The following C1orf116 variants were observed in gnomAD, a reference collection of about 807,000 sequenced individuals.
C1orf116 encodes specifically androgen-regulated gene protein.
In C1orf116, 12 loss-of-function variants were observed where a neutral mutation model predicts 14.1. That is an observed-to-expected ratio of 0.85 (90% CI 0.54 to 1.38). C1orf116 has a LOEUF of 1.38. C1orf116 is among the 40% of genes most tolerant of loss of function. The pLI, the probability that C1orf116 is intolerant of heterozygous loss-of-function variation, is 0.00. For missense variants in C1orf116, 797 were observed against 747.0 expected (o/e 1.07, Z -0.78); for synonymous variants, 296 against 299.0 (o/e 0.99, Z 0.10).
At position 207,023,466 on chromosome 1, in the gene C1orf116, T is replaced by C. The variant is rs760012151; in HGVS notation, c.298A>G (p.Thr100Ala). 1.2e-6 allele frequency: 2 copies of C among 1,611,604 alleles called. No homozygotes were observed. The highest frequency in any genetic ancestry group is 1.7e-6 in the Non-Finnish European group (2 of 1,178,960). ...QPTPRGGPEE[T>A]ITQQGRTPRT... is the part of the protein sequence containing the mutation. Reference sequence around the variant, plus strand: ...GGCGTTCGTCCTTGCTGAGTGATGGTCTCCTCTGGACCTCCTGTGAGGGTC... The same window carrying C: ...GGCGTTCGTCCTTGCTGAGTGATGGCCTCCTCTGGACCTCCTGTGAGGGTC... Residue 100 changes from threonine to alanine, a missense_variant, in exon 4 of 4, where the codon ACC becomes GCC. Coordinates refer to ENST00000359470, the MANE Select transcript of C1orf116 (RefSeq NM_023938.6).
rs1395458105 is a variant in C1orf116, at chr1:207,019,392, C to T, written c.*2566G>A. On this transcript the variant is annotated 3_prime_UTR_variant, in exon 4 of 4. Transcript: ENST00000359470. ...TAAGGCCAAGTGGAAGTAGAGCTGT[C>T]GCTTTGATTTTGAAAATCAAATGAA... 2.6e-5 allele frequency: 4 copies of T among 152,330 alleles called. No homozygotes were observed. Among genetic ancestry groups the T allele is most frequent in the African/African-American group, 4.8e-5 (2 of 41,570 alleles). The allele number at this position is 152,330 out of a possible 1,614,324, so 9.4% of individuals were successfully genotyped here. A position where few individuals can be genotyped will look rare whatever the true frequency, so the allele number is the denominator to read the frequency against.
At chr1:207,023,753 G>A (rs1335651113) in intron 3 of C1orf116, among the ~76,000 whole-genome samples, 1 of 152,190 alleles carries the variant, frequency 6.6e-6, no homozygotes, top group Non-Finnish European at 1.5e-5. Flanking sequence ...AAAGCAAGTG[G>A]ATCATTTGAG....
In C1orf116 at chr1:207,032,595, G is replaced by A; in HGVS notation, c.-98C>T. 1.0e-6 allele frequency: 1 copy of A among 985,454 alleles called. No individual in the cohort carries two copies. The highest frequency in any genetic ancestry group is 1.2e-6 in the Non-Finnish European group (1 of 829,952). The allele number at this position is 985,454 out of a possible 1,614,324, so 61.0% of individuals were successfully genotyped here. On this transcript the variant is annotated 5_prime_UTR_variant, in exon 1 of 4. Coordinates refer to ENST00000359470, the MANE Select transcript of C1orf116 (RefSeq NM_023938.6). ...TTAACTCACCTCCACTGGGTTGGGG[G>A]CTGAAGAGAGAAAAGAAATACCCTT... is the stretch of plus-strand genomic sequence containing the variant.
intron 2 of C1orf116, among the ~76,000 whole-genome samples, chr1:207,026,607 T>C (rs1682081398): frequency 6.6e-6 from 1 of 152,256 alleles, no homozygotes; most frequent in Admixed American, 6.5e-5. Context: ...ATCCACTGGT[T>C]GTCTTAAACA....
chr1:207,028,465 C>G (rs907655184), intron 1 of C1orf116, among the ~76,000 whole-genome samples: 2 of 152,222 alleles, frequency 1.3e-5, no homozygotes, highest in African/African-American at 4.8e-5. Context: ...CTTTAACTCC[C>G]TAGCCTGGAG....
intron 1 of C1orf116, among the ~76,000 whole-genome samples, chr1:207,030,802 C>T (rs1432732909): frequency 6.6e-6 from 1 of 152,106 alleles, no homozygotes; most frequent in African/African-American, 2.4e-5. Context: ...GGGAACTTAA[C>T]GGGAGGAGGG....
At chr1:207,031,750 G>A (rs921426487) in intron 1 of C1orf116, among the ~76,000 whole-genome samples, 3 of 152,178 alleles carry the variant, frequency 2.0e-5, no homozygotes, top group Non-Finnish European at 4.4e-5. Context: ...CTGCTTCTCT[G>A]TCTGTGGACT....
At chr1:207,030,439 C>T (rs1378616050) in intron 1 of C1orf116, among the ~76,000 whole-genome samples, 2 of 152,192 alleles carry the variant, frequency 1.3e-5, no homozygotes, top group African/African-American at 4.8e-5. Context: ...TGCAAATCAT[C>T]TGCTTCAGCT....
In C1orf116 at chr1:207,019,997, T is replaced by C. The variant is rs1681788193; in HGVS notation, c.*1961A>G. ...TTTCCCTATTAATCAAGAAAATTAA[T>C]GAATAAGGAATAAGGTGATCATTCT... On this transcript the variant is annotated 3_prime_UTR_variant, in exon 4 of 4. Coordinates refer to ENST00000359470, the MANE Select transcript of C1orf116 (RefSeq NM_023938.6). The C allele has an allele frequency of 6.6e-6, 1 of 152,228 alleles. No individual in the cohort carries two copies. Among genetic ancestry groups the C allele is most frequent in the Non-Finnish European group, 1.5e-5 (1 of 68,030 alleles). The allele number at this position is 152,228 out of a possible 1,614,324, so 9.4% of individuals were successfully genotyped here.
In C1orf116 at chr1:207,027,605, A is replaced by T. The variant is rs1176571399; in HGVS notation, c.-7T>A. 6.2e-7 allele frequency: 1 copy of T among 1,611,530 alleles called. No homozygotes were observed. Among genetic ancestry groups the T allele is most frequent in the East Asian group, 2.2e-5 (1 of 44,876 alleles). On this transcript the variant is annotated 5_prime_UTR_variant, in exon 2 of 4. Coordinates refer to ENST00000359470, the MANE Select transcript of C1orf116 (RefSeq NM_023938.6). Reference sequence around the variant, plus strand: ...ACAGCTCCCTCTCGGGCATCACCCGAAACAAGGTGCAGGGATGGCAAAGGG... The same window carrying T: ...ACAGCTCCCTCTCGGGCATCACCCGTAACAAGGTGCAGGGATGGCAAAGGG...
intron 1 of C1orf116, among the ~76,000 whole-genome samples, chr1:207,031,075 A>G (rs73074984): frequency 9.9e-4 from 151 of 152,274 alleles, no homozygotes; most frequent in Middle Eastern, 3.4e-3. Flanking sequence ...ATGTCCTCCA[A>G]GAGCTTTGCC....
At chr1:207,023,514 C>G (rs1681958428) in intron 3 of C1orf116, 34 bp from the exon 4 acceptor site, 1 of 1,555,322 alleles carries the variant, frequency 6.4e-7, no homozygotes, top group Admixed American at 2.0e-5. Flanking sequence ...AAAGAGTGGA[C>G]AGAAAAAGAG....
Position 207,023,251 on chromosome 1 carries a change from T to C in C1orf116, c.513A>G (p.Glu171=). Residue 171 remains glutamate, a synonymous_variant, in exon 4 of 4, where the codon GAA becomes GAG. Coordinates refer to ENST00000359470, the MANE Select transcript of C1orf116 (RefSeq NM_023938.6). The part of the protein sequence containing the change: ...PGRLAPEPEK[E]QVSQSSQPRQ... ...TGGGTTGGCTGCTCTGGCTGACCTGTTCTTTCTCAGGCTCTGGCGCAAGCC... is the reference window on the plus strand; with the variant it reads ...TGGGTTGGCTGCTCTGGCTGACCTGCTCTTTCTCAGGCTCTGGCGCAAGCC... 1 of 1,613,438 alleles carries C rather than the reference T, an allele frequency of 6.2e-7. No homozygotes were observed. Among genetic ancestry groups the C allele is most frequent in the South Asian group, 1.1e-5 (1 of 91,010 alleles).
rs199634145 is a variant in C1orf116 at position 207,024,905 on chromosome 1, T to A, written c.265A>T (p.Thr89Ser). 6.2e-7 allele frequency: 1 copy of A among 1,613,264 alleles called. No homozygotes were observed. Among genetic ancestry groups the A allele is most frequent in the East Asian group, 2.2e-5 (1 of 44,820 alleles). ...GCCTTACCCCGGGGAGTGGGTTGGGTTATGGGCAGTGCTCGGAAACCTCTG... is the reference window on the plus strand; with the variant it reads ...GCCTTACCCCGGGGAGTGGGTTGGGATATGGGCAGTGCTCGGAAACCTCTG... ...TPRGFRALPI[T>S]QPTPRGGPEE... The change falls in exon 3 of 4, where the codon ACC (threonine) becomes TCC (serine). Residue 89 changes from threonine to serine, a missense_variant. Transcript: ENST00000359470.
intron 1 of C1orf116, among the ~76,000 whole-genome samples, chr1:207,028,436 C>A (rs1682146015): frequency 6.6e-6 from 1 of 152,224 alleles, no homozygotes; most frequent in South Asian, 2.1e-4. Flanking sequence ...ATCATCACAA[C>A]CACCGCTACG....
intron 1 of C1orf116, among the ~76,000 whole-genome samples, chr1:207,031,097 T>C (rs2842727): frequency 0.11 from 17,074 of 152,162 alleles, 3,137 homozygotes; most frequent in African/African-American, 0.38. Flanking sequence ...CTCTGCCTAC[T>C]AGTCAAAGAG....
At chr1:207,028,393 T>C (rs1682144592) in intron 1 of C1orf116, among the ~76,000 whole-genome samples, 1 of 152,130 alleles carries the variant, frequency 6.6e-6, no homozygotes, top group South Asian at 2.1e-4. Context: ...ACAGAGCAAA[T>C]TGTCACCTGC....
At position 207,018,964 on chromosome 1, in the gene C1orf116, A is replaced by G. The variant is rs1229993302; in HGVS notation, c.*2994T>C. On this transcript the variant is annotated 3_prime_UTR_variant, in exon 4 of 4. Coordinates refer to ENST00000359470, the MANE Select transcript of C1orf116 (RefSeq NM_023938.6). ...ACTCACAGACCATGTAGACTATTCAATCTACACCTCCAGCTCGAACTCAGA... is the reference window on the plus strand; with the variant it reads ...ACTCACAGACCATGTAGACTATTCAGTCTACACCTCCAGCTCGAACTCAGA... 1 of 152,180 alleles carries G rather than the reference A, an allele frequency of 6.6e-6. No homozygotes were observed. Among genetic ancestry groups the G allele is most frequent in the Non-Finnish European group, 1.5e-5 (1 of 68,040 alleles). The allele number at this position is 152,180 out of a possible 1,614,324, so 9.4% of individuals were successfully genotyped here.
At chr1:207,032,514 G>A in intron 1 of C1orf116, 65 bp downstream of exon 1, 1 of 966,602 alleles carries the variant, frequency 1.0e-6, no homozygotes, top group Non-Finnish European at 1.2e-6. Context: ...CTGTAGCTCT[G>A]ATTTCCCATG....
Sources: allele counts gnomAD v4.1 joint callset (sites outside exome capture counted in the v4.1 genomes callset), GRCh38; gene constraint gnomAD v4.1.1; transcripts MANE v1.5; gene names NCBI Gene and HGNC (gene_info 2026-07-23, HGNC 2026-07-21).